The following TANC2 variants were observed in gnomAD, a reference collection of about 807,000 sequenced individuals.
TANC2 encodes tetratricopeptide repeat, ankyrin repeat and coiled-coil containing 2.
In TANC2, 26 loss-of-function variants were observed where a neutral mutation model predicts 210.5. The observed-to-expected ratio is 0.12, with a 90% confidence interval of 0.09 to 0.17. The LOEUF (loss-of-function observed/expected upper bound fraction) is 0.17. Among genes scored for constraint, TANC2 ranks in the 10% least tolerant of loss-of-function variants. TANC2 has a pLI of 1.00. For synonymous variants in TANC2, 931 were observed against 967.1 expected (o/e 0.96, Z 0.69); for missense variants, 2,129 against 2,608.9 (o/e 0.82, Z 4.01).
chr17:62,984,117 A>G (rs1345446749), intron 1 of TANC2, among the ~76,000 whole-genome samples: 1 of 151,834 alleles, frequency 6.6e-6, no homozygotes, highest in African/African-American at 2.4e-5. Flanking sequence ...TTGCTGGGAG[A>G]CTTTTTACTG....
At chr17:63,423,278 G>C (rs1040029947) in exon 28 of TANC2, 2 of 152,158 alleles carry the variant, frequency 1.3e-5, no homozygotes, top group Admixed American at 6.5e-5. Context: ...AGCCCTGGGT[G>C]GGGGCATGAG....
intron 12 of TANC2, 56 bp downstream of exon 12, chr17:63,340,388 C>T (rs1270414213): frequency 7.1e-6 from 10 of 1,407,252 alleles, no homozygotes; most frequent in African/African-American, 1.4e-5. Flanking sequence ...CAAGTTCACC[C>T]GGGTCATACT....
intron 3 of TANC2, 81 bp downstream of exon 3, chr17:63,074,095 G>C: frequency 9.2e-7 from 1 of 1,084,172 alleles, no homozygotes; most frequent in South Asian, 1.5e-5. Flanking sequence ...TGGAGACTAG[G>C]ATATTGCCAT....
At chr17:63,169,664 A>C (rs527889204) in intron 5 of TANC2, among the ~76,000 whole-genome samples, 1 of 152,178 alleles carries the variant, frequency 6.6e-6, no homozygotes, top group African/African-American at 2.4e-5. Flanking sequence ...AAATACAAAA[A>C]TTAGTTGGGT....
In TANC2 at chr17:63,205,344, C is replaced by CAAAAAAAAAAAAAA. The variant is rs1158768609; in HGVS notation, c.769+4402_769+4415dup. On this transcript the variant is annotated intron_variant, in intron 7 of 27. Transcript: ENST00000689528. ...ACTGCTCAAAATTTAACCAAGGAGG[C>CAAAAAAAAAAAAAA]AAAAAAAAAAAAAAAAAAAAAAAAA... 6.2e-4 allele frequency among the ~76,000 whole-genome samples: 5 copies of CAAAAAAAAAAAAAA among 8,068 alleles called. 1 individual carries two copies. Among genetic ancestry groups the CAAAAAAAAAAAAAA allele is most frequent in the Non-Finnish European group, 9.5e-4 (4 of 4,206 alleles). 5.3% of individuals were successfully genotyped at this position (8,068 alleles called of 152,430 possible).
At chr17:63,218,082 G>A (rs1005060684) in intron 7 of TANC2, among the ~76,000 whole-genome samples, 1 of 152,062 alleles carries the variant, frequency 6.6e-6, no homozygotes, top group African/African-American at 2.4e-5. Context: ...CCAGAAGTTC[G>A]AGAGTTGCCT....
intron 4 of TANC2, among the ~76,000 whole-genome samples, chr17:63,102,805 C>G (rs2037679013): frequency 6.6e-6 from 1 of 152,058 alleles, no homozygotes; most frequent in African/African-American, 2.4e-5. Context: ...TAGCCTTGTG[C>G]AGTCAGCCCT....
At chr17:63,268,216 T>C (rs550436286) in intron 9 of TANC2, among the ~76,000 whole-genome samples, 1 of 152,324 alleles carries the variant, frequency 6.6e-6, no homozygotes, top group East Asian at 1.9e-4. Context: ...GATTCAGCCC[T>C]AGCCATATTG....
intron 9 of TANC2, among the ~76,000 whole-genome samples, chr17:63,290,879 C>A (rs1005327197): frequency 2.6e-5 from 4 of 151,960 alleles, no homozygotes; most frequent in African/African-American, 9.7e-5. Context: ...ATTGTACTTA[C>A]AATAATGAAG....
At chr17:63,278,465 AAAAG>A (rs537384039) in intron 9 of TANC2, among the ~76,000 whole-genome samples, 257 of 152,250 alleles carry the variant, frequency 1.7e-3, no homozygotes, top group African/African-American at 4.6e-3. Context: ...ATTTAAAAAA[AAAAG>A]AAAGAATAAC....
intron 2 of TANC2, among the ~76,000 whole-genome samples, chr17:63,012,625 A>T (rs2033922196): frequency 6.6e-6 from 1 of 152,072 alleles, no homozygotes; most frequent in Non-Finnish European, 1.5e-5. Flanking sequence ...GATAGAAGTA[A>T]CTTTATCTGA....
At chr17:63,141,114 G>C (rs906644004) in intron 4 of TANC2, among the ~76,000 whole-genome samples, 1 of 151,912 alleles carries the variant, frequency 6.6e-6, no homozygotes, top group African/African-American at 2.4e-5. Flanking sequence ...ATGAATCTGT[G>C]ATCTACCACT....
At chr17:63,258,751 C>T (rs1415242213) in intron 8 of TANC2, among the ~76,000 whole-genome samples, 2 of 152,098 alleles carry the variant, frequency 1.3e-5, no homozygotes, top group African/African-American at 4.8e-5. Context: ...CCCTATGGTC[C>T]AAGGCAGGTC....
chr17:63,132,271 A>G (rs1033894597), intron 4 of TANC2, among the ~76,000 whole-genome samples: 11 of 152,102 alleles, frequency 7.2e-5, no homozygotes, highest in Non-Finnish European at 1.5e-4. Flanking sequence ...AAACAAAATA[A>G]TGTGATGAAT....
chr17:63,069,822 A>T (rs2036332007), intron 2 of TANC2, among the ~76,000 whole-genome samples: 1 of 152,162 alleles, frequency 6.6e-6, no homozygotes. Context: ...TTTTTCATGA[A>T]AACTTCTTAT....
chr17:62,982,318 A>C (rs763553210), intron 1 of TANC2, among the ~76,000 whole-genome samples: 1 of 152,224 alleles, frequency 6.6e-6, no homozygotes, highest in Non-Finnish European at 1.5e-5. Context: ...ACAAAGGTTC[A>C]GCAAAATTCT....
chr17:63,282,703 A>C (rs576447350), intron 9 of TANC2, among the ~76,000 whole-genome samples: 2 of 152,208 alleles, frequency 1.3e-5, no homozygotes, highest in South Asian at 4.1e-4. Context: ...CAGCGTGGTC[A>C]ATCTTTTAAA....
chr17:63,052,148 G>C (rs1382121572), intron 2 of TANC2, among the ~76,000 whole-genome samples: 1 of 152,194 alleles, frequency 6.6e-6, no homozygotes, highest in Non-Finnish European at 1.5e-5. Flanking sequence ...GAATATGATA[G>C]ATGAAGATTC....
At chr17:63,417,530 TGTTTTG>T (rs900478371) in intron 26 of TANC2, among the ~76,000 whole-genome samples, 3 of 152,114 alleles carry the variant, frequency 2.0e-5, no homozygotes, top group Non-Finnish European at 2.9e-5. Flanking sequence ...GGTCTTCTCT[TGTTTTG>T]TTTTATTTTT....
Sources: gnomAD v4.1 joint callset for allele counts (sites outside exome capture counted in the v4.1 genomes callset) on GRCh38, gnomAD v4.1.1 for gene constraint, MANE v1.5 for transcripts, NCBI Gene and HGNC (gene_info 2026-07-23, HGNC 2026-07-21) for gene names.